Variants in FDFT1 observed in about 807,000 individuals in gnomAD.
FDFT1 encodes farnesyl-diphosphate farnesyltransferase 1, also known as squalene synthase.
Under a neutral mutation model 46.8 loss-of-function variants are expected in FDFT1, and 68 were observed. The observed-to-expected ratio is 1.45, with a 90% CI of 1.19 to 1.78. FDFT1 has a LOEUF of 1.78. FDFT1 is among the 40% of genes most tolerant of loss of function. The pLI, the probability that FDFT1 is intolerant of heterozygous loss-of-function variation, is 0.00. For missense variants in FDFT1, 928 were observed against 524.4 expected (o/e 1.77, Z -7.52); for synonymous variants, 351 against 185.1 (o/e 1.90, Z -7.28).
At chr8:11,796,626 G>A (rs1223592204) in intron 1 of FDFT1, among the ~76,000 whole-genome samples, 1 of 152,200 alleles carries the variant, frequency 6.6e-6, no homozygotes, top group Non-Finnish European at 1.5e-5. Flanking sequence ...CTTCTGGCCT[G>A]GGGAAGTTGG....
Position 11,830,525 on chromosome 8 carries a change from G to C in FDFT1, c.879+105G>C, listed in dbSNP as rs946763489. ...ATTCAAGGATATGATTCCTTAAAAAGACGATGACTCCAGTTTATTACGCTG... is the reference window on the plus strand; with the variant it reads ...ATTCAAGGATATGATTCCTTAAAAACACGATGACTCCAGTTTATTACGCTG... On this transcript the variant is annotated intron_variant, in intron 6 of 7. Transcript: ENST00000220584. 13 of 797,484 alleles carry C rather than the reference G, an allele frequency of 1.6e-5. No homozygotes were observed. The African/African-American group carries it at 2.2e-4, about 14-fold the overall frequency. 49.4% of individuals were successfully genotyped at this position (797,484 alleles called of 1,614,324 possible).
intron 1 of FDFT1, among the ~76,000 whole-genome samples, chr8:11,805,508 G>A (rs1722127665): frequency 6.6e-6 from 1 of 152,184 alleles, no homozygotes; most frequent in African/African-American, 2.4e-5. Flanking sequence ...CTGTTATTAA[G>A]TCCGATTTCT....
chr8:11,837,558 G>C (rs780577798), intron 7 of FDFT1, among the ~76,000 whole-genome samples: 4 of 152,138 alleles, frequency 2.6e-5, no homozygotes, highest in Non-Finnish European at 4.4e-5. Flanking sequence ...ACTGTAGAGA[G>C]GGAGGTGGGC....
chr8:11,837,420 CAG>C (rs536371536), intron 7 of FDFT1, among the ~76,000 whole-genome samples: 199 of 152,222 alleles, frequency 1.3e-3, no homozygotes, highest in African/African-American at 4.7e-3. Context: ...TTTGTAGAAA[CAG>C]GGTTTTACTG....
intron 7 of FDFT1, among the ~76,000 whole-genome samples, chr8:11,834,193 A>C (rs1053640825): frequency 2.0e-5 from 3 of 152,152 alleles, no homozygotes; most frequent in Non-Finnish European, 2.9e-5. Flanking sequence ...GGACCTCCTC[A>C]TGCTTCTCCA....
chr8:11,827,000 CTG>C (rs1462652757), intron 5 of FDFT1, among the ~76,000 whole-genome samples: 1 of 152,166 alleles, frequency 6.6e-6, no homozygotes, highest in Non-Finnish European at 1.5e-5. Flanking sequence ...CTCCAGGTGT[CTG>C]TAATAAGGGA....
At chr8:11,820,465 A>G (rs1006669766) in intron 3 of FDFT1, among the ~76,000 whole-genome samples, 2 of 143,978 alleles carry the variant, frequency 1.4e-5, no homozygotes, top group African/African-American at 5.0e-5. Context: ...GATGCAATCT[A>G]GAGAGGCAGT....
Position 11,809,205 on chromosome 8 carries a change from T to C in FDFT1, c.197+314T>C, listed in dbSNP as rs542112117. On this transcript the variant is annotated intron_variant, in intron 2 of 7. Transcript: ENST00000220584. ...TTTCTCGGCTTCCCTTATCCAACTT[T>C]GCATTTCTATTTCTAGCATATTGGG... The C allele has an allele frequency of 1.7e-3, 2,089 of 1,205,184 alleles. 32 individuals are homozygous for C. The South Asian group carries it at 0.027, about 16-fold the overall frequency. The allele number at this position is 1,205,184 out of a possible 1,614,324, so 74.7% of individuals were successfully genotyped here.
intron 4 of FDFT1, among the ~76,000 whole-genome samples, chr8:11,824,885 G>A (rs903418379): frequency 6.6e-6 from 1 of 151,986 alleles, no homozygotes; most frequent in African/African-American, 2.4e-5. Context: ...ACAGGCACCC[G>A]CCACCAGGCC....
intron 3 of FDFT1, among the ~76,000 whole-genome samples, chr8:11,813,157 A>C (rs562216074): frequency 2.0e-5 from 3 of 152,218 alleles, no homozygotes; most frequent in African/African-American, 2.4e-5. Context: ...AGGGTGTTAC[A>C]GTCTTAAGGG....
At position 11,825,917 on chromosome 8, in the gene FDFT1, C is replaced by G. The variant is rs1585966902; in HGVS notation, c.511-107C>G. 7 of 595,744 alleles carry G rather than the reference C, an allele frequency of 1.2e-5. No homozygotes were observed. In the East Asian group the frequency reaches 2.1e-4, roughly 18 times the overall value. The allele number at this position is 595,744 out of a possible 1,614,324, so 36.9% of individuals were successfully genotyped here. A position where few individuals can be genotyped will look rare whatever the true frequency, so the allele number is the denominator to read the frequency against. ...TTGTATTTTAAAATCAAAATGCATTCTTACCCATTCTCTTTTGAACCTGCT... is the reference window on the plus strand; with the variant it reads ...TTGTATTTTAAAATCAAAATGCATTGTTACCCATTCTCTTTTGAACCTGCT... On this transcript the variant is annotated intron_variant, in intron 4 of 7. Transcript: ENST00000220584.
At chr8:11,833,657 A>G (rs1811165524) in intron 7 of FDFT1, among the ~76,000 whole-genome samples, 1 of 152,348 alleles carries the variant, frequency 6.6e-6, no homozygotes, top group South Asian at 2.1e-4. Context: ...GTTTTTGTGA[A>G]TAAATGTTAT....
At chr8:11,835,475 G>A (rs1211527792) in intron 7 of FDFT1, among the ~76,000 whole-genome samples, 1 of 152,152 alleles carries the variant, frequency 6.6e-6, no homozygotes, top group Non-Finnish European at 1.5e-5. Context: ...TATTACCGGG[G>A]ACTGTCACAA....
intron 3 of FDFT1, among the ~76,000 whole-genome samples, chr8:11,818,466 G>C (rs947161724): frequency 2.0e-5 from 3 of 152,070 alleles, no homozygotes; most frequent in African/African-American, 7.2e-5. Flanking sequence ...TGGGATGTTA[G>C]ACTCGCACAC....
upstream of FDFT1, chr8:11,797,944 G>A (rs1161863590): frequency 6.6e-6 from 1 of 152,264 alleles, no homozygotes; most frequent in Admixed American, 6.5e-5. Context: ...CCCAACAAAG[G>A]ATGTAGATGC....
rs765188877 is a variant in FDFT1 at position 11,821,771 on chromosome 8, C to G, written c.403C>G (p.Leu135Val). The change falls in exon 4 of 8, where the codon CTG (leucine) becomes GTG (valine). Residue 135 changes from leucine (L) to valine (V), a missense_variant. Coordinates refer to ENST00000220584, the MANE Select transcript of FDFT1 (RefSeq NM_004462.5). ...FPTISLEFRN[L>V]AEKYQTVIAD... Reference sequence around the variant, plus strand: ...TCAGATCTCCCTTGAGTTTAGAAATCTGGCTGAGAAATACCAAACAGTGAT... The same window carrying G: ...TCAGATCTCCCTTGAGTTTAGAAATGTGGCTGAGAAATACCAAACAGTGAT... 1.4e-5 allele frequency: 23 copies of G among 1,613,316 alleles called. No homozygotes were observed. Among genetic ancestry groups the G allele is most frequent in the Admixed American group, 1.7e-5 (1 of 59,974 alleles).
chr8:11,816,723 T>C (rs1319279874), intron 3 of FDFT1, among the ~76,000 whole-genome samples: 1 of 152,238 alleles, frequency 6.6e-6, no homozygotes, highest in Non-Finnish European at 1.5e-5. Flanking sequence ...TGATTTTGTA[T>C]CCTGAGACTT....
At chr8:11,803,646 A>C in intron 1 of FDFT1, 2 of 477,140 alleles carry the variant, frequency 4.2e-6, no homozygotes, top group Non-Finnish European at 6.4e-6. Context: ...TGAATAGACA[A>C]ATTCAGCCAA....
chr8:11,830,861 A>T (rs1409416104), intron 6 of FDFT1, among the ~76,000 whole-genome samples: 1 of 152,220 alleles, frequency 6.6e-6, no homozygotes, highest in Non-Finnish European at 1.5e-5. Flanking sequence ...GTATGCTAGG[A>T]ACTTACACTT....
Sources: allele counts gnomAD v4.1 joint callset (sites outside exome capture counted in the v4.1 genomes callset), GRCh38; gene constraint gnomAD v4.1.1; transcripts MANE v1.5; gene names NCBI Gene and HGNC (gene_info 2026-07-23, HGNC 2026-07-21).